Variants in ZNF831 observed in about 807,000 individuals in gnomAD.
ZNF831 encodes chromosome 20 open reading frame 174.
Under a neutral mutation model 95.8 loss-of-function variants are expected in ZNF831, and 59 were observed. The ratio of observed to expected loss-of-function variants is 0.62; its 90% CI spans 0.50 to 0.77. ZNF831 has a LOEUF of 0.77. Ranked by LOEUF, ZNF831 falls within the 30% of genes least tolerant of loss-of-function variation. ZNF831 has a pLI of 0.00. For missense variants in ZNF831, 2,205 were observed against 2,164.0 expected, an observed-to-expected ratio of 1.02 and a Z score of -0.38; for synonymous variants, 961 against 925.5, an observed-to-expected ratio of 1.04 and a Z score of -0.70.
chr20:59,150,177 C>T (rs1230627531), intron 2 of ZNF831, among the ~76,000 whole-genome samples: 2 of 152,232 alleles, frequency 1.3e-5, no homozygotes, highest in Non-Finnish European at 2.9e-5. Flanking sequence ...CATGTTCTCT[C>T]TCTCTCCTTC....
At chr20:59,214,183 A>G (rs1985529602) in intron 4 of ZNF831, among the ~76,000 whole-genome samples, 2 of 152,220 alleles carry the variant, frequency 1.3e-5, no homozygotes, top group African/African-American at 4.8e-5. Flanking sequence ...CCCACTGAAG[A>G]GAGGTTAGAA....
chr20:59,199,412 C>A (rs1234231414), intron 3 of ZNF831, among the ~76,000 whole-genome samples: 1 of 152,008 alleles, frequency 6.6e-6, no homozygotes. Context: ...TCATACTTTG[C>A]AAATCACCAA....
chr20:59,209,036 T>C (rs552879181), intron 4 of ZNF831, among the ~76,000 whole-genome samples: 1 of 152,286 alleles, frequency 6.6e-6, no homozygotes, highest in African/African-American at 2.4e-5. Flanking sequence ...CTGGTCTCGA[T>C]AAATGTGGTA....
intron 1 of ZNF831, among the ~76,000 whole-genome samples, chr20:59,137,968 A>G (rs1315946104): frequency 6.6e-6 from 1 of 152,160 alleles, no homozygotes; most frequent in African/African-American, 2.4e-5. Flanking sequence ...CTGCTTTCAG[A>G]AATGCATTAT....
intron 1 of ZNF831, among the ~76,000 whole-genome samples, chr20:59,178,864 T>C (rs557041623): frequency 1.3e-5 from 2 of 152,184 alleles, no homozygotes; most frequent in Admixed American, 6.5e-5. Context: ...GTGCAGCTCA[T>C]CTGAGTCACA....
At chr20:59,144,333 G>A (rs1343754484) in intron 1 of ZNF831, among the ~76,000 whole-genome samples, 1 of 152,100 alleles carries the variant, frequency 6.6e-6, no homozygotes, top group Non-Finnish European at 1.5e-5. Context: ...GAGGCTGGAG[G>A]GGTTGCTGAG....
intron 1 of ZNF831, among the ~76,000 whole-genome samples, chr20:59,189,982 G>C (rs1983379962): frequency 6.6e-6 from 1 of 152,208 alleles, no homozygotes; most frequent in Non-Finnish European, 1.5e-5. Context: ...CTAGTCACAG[G>C]CCTGTCCAGA....
At chr20:59,221,823 CCGGTTTTGCTAGGAGG>C (rs1986093444) in intron 4 of ZNF831, among the ~76,000 whole-genome samples, 4 of 152,224 alleles carry the variant, frequency 2.6e-5, no homozygotes, top group Admixed American at 2.6e-4. Flanking sequence ...TTTCAGCTTT[CCGGTTTTGCTAGGAGG>C]CACCTGGCGT....
At chr20:59,135,091 T>C (rs1037633189) in intron 1 of ZNF831, among the ~76,000 whole-genome samples, 8 of 152,182 alleles carry the variant, frequency 5.3e-5, no homozygotes, top group Non-Finnish European at 2.9e-5. Context: ...TTATTCTTGT[T>C]GACCCATAAG....
intron 4 of ZNF831, among the ~76,000 whole-genome samples, chr20:59,243,823 C>A (rs6123868): frequency 1.3e-5 from 2 of 152,278 alleles, no homozygotes; most frequent in South Asian, 2.1e-4. Flanking sequence ...ATCCCAAAAC[C>A]TGAACTTTTC....
chr20:59,131,790 C>T (rs1340158598), intron 1 of ZNF831, among the ~76,000 whole-genome samples: 1 of 152,204 alleles, frequency 6.6e-6, no homozygotes, highest in East Asian at 1.9e-4. Context: ...GCCCTTGTCT[C>T]CAGGGCGTGA....
At chr20:59,189,608 T>G (rs1349548762) in intron 1 of ZNF831, among the ~76,000 whole-genome samples, 1 of 152,222 alleles carries the variant, frequency 6.6e-6, no homozygotes, top group Non-Finnish European at 1.5e-5. Flanking sequence ...ACCTCCAGGA[T>G]TCTAGCAATT....
intron 1 of ZNF831, among the ~76,000 whole-genome samples, chr20:59,143,738 C>T (rs963438901): frequency 2.5e-4 from 38 of 152,222 alleles, no homozygotes; most frequent in African/African-American, 8.9e-4. Context: ...TGAACTTTAA[C>T]TTCACTTTCT....
chr20:59,233,489 T>C (rs1406334394), intron 4 of ZNF831, among the ~76,000 whole-genome samples: 1 of 152,002 alleles, frequency 6.6e-6, no homozygotes, highest in Non-Finnish European at 1.5e-5. Flanking sequence ...GCAAAGCAAA[T>C]GACAGACCAA....
intron 1 of ZNF831, among the ~76,000 whole-genome samples, chr20:59,166,245 C>T (rs1043592872): frequency 3.3e-5 from 5 of 152,074 alleles, no homozygotes; most frequent in Non-Finnish European, 7.4e-5. Context: ...CTGTGGTACT[C>T]GTGGCTAGGG....
chr20:59,226,947 G>A lies in ZNF831; in HGVS notation c.4027+19891G>A, dbSNP rs549155315. On this transcript the variant is annotated intron_variant, in intron 4 of 5. Transcript: ENST00000371030. ...ATAAGCACCCATTCACCTGACATTA[G>A]GACAGTCACTTTCATTTCTCCCGTA... 1.1e-3 allele frequency among the ~76,000 whole-genome samples: 164 copies of A among 152,138 alleles called. 1 individual carries two copies. Among genetic ancestry groups the A allele is most frequent in the African/African-American group, 3.8e-3 (159 of 41,520 alleles).
intron 4 of ZNF831, among the ~76,000 whole-genome samples, chr20:59,237,756 T>C (rs530685792): frequency 1.3e-5 from 2 of 152,304 alleles, no homozygotes; most frequent in Admixed American, 1.3e-4. Context: ...TGATAATTAC[T>C]CATCCCAAAA....
intron 4 of ZNF831, among the ~76,000 whole-genome samples, chr20:59,246,415 C>T (rs1405399145): frequency 1.3e-5 from 2 of 152,132 alleles, no homozygotes; most frequent in Non-Finnish European, 2.9e-5. Context: ...GGAAGAGACC[C>T]ACATAGACAA....
chr20:59,174,689 G>A (rs1174578378), intron 1 of ZNF831, among the ~76,000 whole-genome samples: 2 of 151,870 alleles, frequency 1.3e-5, no homozygotes, highest in Non-Finnish European at 2.9e-5. Context: ...ATCAATGTAT[G>A]TGCACTCCAG....
Sources: gnomAD v4.1 joint callset for allele counts (sites outside exome capture counted in the v4.1 genomes callset) on GRCh38, gnomAD v4.1.1 for gene constraint, MANE v1.5 for transcripts, NCBI Gene and HGNC (gene_info 2026-07-23, HGNC 2026-07-21) for gene names.